SAMD12: variants seen among roughly 807,000 people sequenced by gnomAD.
SAMD12 encodes sterile alpha motif domain containing 12.
A neutral mutation model predicts 15.0 loss-of-function variants in SAMD12; 9 were observed. That is an observed-to-expected ratio of 0.60 (90% CI 0.36 to 1.05). The LOEUF (loss-of-function observed/expected upper bound fraction) is 1.05. Ranked by LOEUF, SAMD12 falls within the 50% of genes least tolerant of loss-of-function variation. The pLI is 0.01. For synonymous variants in SAMD12, 86 were observed against 90.1 expected, an observed-to-expected ratio of 0.96 and a Z score of 0.25; for missense variants, 230 against 234.2, an observed-to-expected ratio of 0.98 and a Z score of 0.12.
intron 2 of SAMD12, among the ~76,000 whole-genome samples, chr8:118,507,560 T>G (rs1420708012): frequency 2.6e-5 from 4 of 152,162 alleles, no homozygotes; most frequent in African/African-American, 9.7e-5. Context: ...CAGACTTAAT[T>G]GGGATTCAAA....
chr8:118,321,224 T>C (rs1455087915), intron 4 of SAMD12, among the ~76,000 whole-genome samples: 1 of 138,944 alleles, frequency 7.2e-6, no homozygotes, highest in Non-Finnish European at 1.5e-5. Flanking sequence ...CATGGTTCCT[T>C]GAGAAAGGAA....
chr8:118,580,721 C>T lies in SAMD12; in HGVS notation c.186G>A (p.Thr62=), dbSNP rs552596645. Residue 62 remains threonine (T), a synonymous_variant, in exon 2 of 4, where the codon ACG becomes ACA. Transcript: ENST00000314727. The part of the protein sequence containing the change: ...TPKRLQAEAE[T]AKSATVKLSK... ...TAACTGGAATATTACGCACCTTAGC[C>T]GTCTCAGCTTCTGCCTGCAGTCGCT... The T allele has an allele frequency of 1.7e-4, 277 of 1,611,722 alleles. No homozygotes were observed. The South Asian group carries it at 2.8e-3, about 16-fold the overall frequency.
At chr8:118,197,167 G>A (rs1819589136) in exon 5 of SAMD12, 1 of 153,154 alleles carries the variant, frequency 6.5e-6, no homozygotes, top group Admixed American at 6.5e-5. Flanking sequence ...TCATCTTGGT[G>A]TAGTGTTCTC....
rs1563861835 is a variant in SAMD12, at chr8:118,440,690, ACACACAAACAC to A, written c.193-740_193-730del. On this transcript the variant is annotated intron_variant, in intron 2 of 3. Transcript: ENST00000314727. ...CACACACACACACACACACACACAC[ACACACAAACAC>A]ACACACACACACACATATAAAAACG... Among the ~76,000 whole-genome samples, 7 of 146,148 alleles carry A rather than the reference ACACACAAACAC, an allele frequency of 4.8e-5. No individual in the cohort carries two copies. The South Asian group carries it at 6.6e-4, about 14-fold the overall frequency.
intron 2 of SAMD12, among the ~76,000 whole-genome samples, chr8:118,447,561 C>T (rs1822951794): frequency 6.6e-6 from 1 of 151,920 alleles, no homozygotes; most frequent in Admixed American, 6.6e-5. Flanking sequence ...CCTCGGCCTC[C>T]CAAAGTGCTG....
At chr8:118,584,484 T>C (rs1264312998) in intron 1 of SAMD12, among the ~76,000 whole-genome samples, 1 of 152,158 alleles carries the variant, frequency 6.6e-6, no homozygotes, top group East Asian at 1.9e-4. Flanking sequence ...GAGACCCTCT[T>C]CTCGTTTCCC....
At chr8:118,565,549 C>G (rs1247339031) in intron 2 of SAMD12, among the ~76,000 whole-genome samples, 1 of 152,220 alleles carries the variant, frequency 6.6e-6, no homozygotes, top group Non-Finnish European at 1.5e-5. Flanking sequence ...GTCACATGCA[C>G]ACATGCACAC....
intron 2 of SAMD12, among the ~76,000 whole-genome samples, chr8:118,461,507 G>C (rs1361667771): frequency 6.6e-6 from 1 of 152,134 alleles, no homozygotes; most frequent in Non-Finnish European, 1.5e-5. Context: ...CTTCTCAGCA[G>C]AGGTAGCAAC....
intron 4 of SAMD12, among the ~76,000 whole-genome samples, chr8:118,259,612 C>T (rs1813031071): frequency 6.6e-6 from 1 of 152,068 alleles, no homozygotes; most frequent in South Asian, 2.1e-4. Flanking sequence ...AAGGAGGAGG[C>T]ATCTCTGCAT....
chr8:118,137,588 A>G, the SAMD12 span, among the ~76,000 whole-genome samples: 1 of 152,156 alleles, frequency 6.6e-6, no homozygotes, highest in Non-Finnish European at 1.5e-5. Context: ...ACTGTCCTAC[A>G]GTTCTTGAGT....
chr8:118,240,668 A>G (rs1357061500), intron 4 of SAMD12, among the ~76,000 whole-genome samples: 2 of 152,132 alleles, frequency 1.3e-5, no homozygotes, highest in Non-Finnish European at 2.9e-5. Context: ...TGTTATTATA[A>G]TCTTTTGAGC....
intron 2 of SAMD12, among the ~76,000 whole-genome samples, chr8:118,477,408 A>G (rs896547942): frequency 6.6e-6 from 1 of 152,090 alleles, no homozygotes; most frequent in Non-Finnish European, 1.5e-5. Context: ...GCTGTTTCAC[A>G]AGTCCTCAAA....
intron 3 of SAMD12, among the ~76,000 whole-genome samples, chr8:118,406,187 A>T (rs1396223352): frequency 6.6e-6 from 1 of 152,098 alleles, no homozygotes; most frequent in Non-Finnish European, 1.5e-5. Flanking sequence ...TCAGGAAATT[A>T]GATTCAAACA....
chr8:118,326,334 C>T (rs188411964), intron 4 of SAMD12, among the ~76,000 whole-genome samples: 9 of 152,200 alleles, frequency 5.9e-5, no homozygotes, highest in African/African-American at 2.2e-4. Context: ...TGAAATGTCA[C>T]CTCCTAAAAG....
chr8:118,168,836 A>G, the SAMD12 span, among the ~76,000 whole-genome samples: 3 of 152,236 alleles, frequency 2.0e-5, no homozygotes, highest in Admixed American at 2.0e-4. Flanking sequence ...CCCAGAGGAA[A>G]AAAATTAGGG....
chr8:118,327,919 A>T (rs147757733), intron 4 of SAMD12, among the ~76,000 whole-genome samples: 1 of 152,212 alleles, frequency 6.6e-6, no homozygotes, highest in African/African-American at 2.4e-5. Context: ...GGTTTGCCAG[A>T]TCTGTTTTCG....
chr8:118,563,854 C>A (rs1048351290), intron 2 of SAMD12, among the ~76,000 whole-genome samples: 1 of 152,202 alleles, frequency 6.6e-6, no homozygotes, highest in African/African-American at 2.4e-5. Flanking sequence ...TGCACACAAG[C>A]CTCTGCTTCC....
intron 4 of SAMD12, chr8:118,239,777 G>A (rs1484115893): frequency 6.6e-6 from 1 of 152,144 alleles, no homozygotes; most frequent in Admixed American, 6.6e-5. Flanking sequence ...AACATAAAGG[G>A]AGACAGAGAT....
intron 3 of SAMD12, among the ~76,000 whole-genome samples, chr8:118,406,419 G>T (rs1283747171): frequency 6.6e-6 from 1 of 151,960 alleles, no homozygotes; most frequent in East Asian, 1.9e-4. Context: ...GATTACAGGT[G>T]CCAACCACCA....
Sources: gnomAD v4.1 joint callset for allele counts (sites outside exome capture counted in the v4.1 genomes callset) on GRCh38, gnomAD v4.1.1 for gene constraint, MANE v1.5 for transcripts, NCBI Gene and HGNC (gene_info 2026-07-23, HGNC 2026-07-21) for gene names.